KIRREL3: variants seen among roughly 807,000 people sequenced by gnomAD.
KIRREL3 encodes the protein kirre like nephrin family adhesion molecule 3, also known as kin of IRRE-like protein 3.
Under a neutral mutation model 89.7 loss-of-function variants are expected in KIRREL3, and 36 were observed. The observed-to-expected ratio is 0.40, with a 90% CI of 0.31 to 0.53. The LOEUF (loss-of-function observed/expected upper bound fraction) is 0.53. Among genes scored for constraint, KIRREL3 ranks in the 20% least tolerant of loss-of-function variants. KIRREL3 has a pLI of 0.49. For missense variants in KIRREL3, 864 were observed against 1,056.6 expected (o/e 0.82, Z 2.53); for synonymous variants, 445 against 441.4 (o/e 1.01, Z -0.10).
chr11:126,988,214 T>A (rs7941580), intron 1 of KIRREL3, among the ~76,000 whole-genome samples: 2,259 of 152,338 alleles, frequency 0.015, 48 homozygotes, highest in African/African-American at 0.051. Flanking sequence ...TGGGTGATGA[T>A]GAATTCTTTT....
In KIRREL3 at chr11:126,431,388, C is replaced by G; in HGVS notation, c.1696+31G>C. 1 of 1,612,902 alleles carries G rather than the reference C, an allele frequency of 6.2e-7. No individual in the cohort carries two copies. The highest frequency in any genetic ancestry group is 8.5e-7 in the Non-Finnish European group (1 of 1,179,464). On this transcript the variant is annotated intron_variant, in intron 14 of 16. Coordinates refer to ENST00000525144, the MANE Select transcript of KIRREL3 (RefSeq NM_032531.4). The surrounding 1 kb of genome is among the most constrained non-coding windows in gnomAD (Gnocchi z 7.1). ...AAGCCTGGCCTTTTTCTCTGTCCCC[C>G]TCCCTGAGATCCCGGATCTCCCTCC...
intron 1 of KIRREL3, among the ~76,000 whole-genome samples, chr11:126,738,213 G>A (rs982941833): frequency 5.3e-5 from 8 of 152,144 alleles, no homozygotes; most frequent in African/African-American, 1.7e-4. Context: ...TCATTCATAG[G>A]GGAATGAAAT....
rs580550 is a variant in KIRREL3 at position 126,537,949 on chromosome 11, T to A, written c.134-11262A>T. 0.99 allele frequency among the ~76,000 whole-genome samples: 150,621 copies of A among 151,788 alleles called. 74,733 individuals are homozygous for A. The highest frequency in any genetic ancestry group is 1 in the East Asian group (5,161 of 5,166). ...AAATCTGAAGTTGCACCCATTAGAA[T>A]GCTGCATGGGTGGTGCAGGAGACAG... On this transcript the variant is annotated intron_variant, in intron 2 of 16. Transcript: ENST00000525144. This position sits in a 1 kb window ranked among gnomAD's most constrained non-coding sequence, Gnocchi z 4.3.
chr11:126,899,159 G>A (rs1248573601), intron 1 of KIRREL3, among the ~76,000 whole-genome samples: 1 of 151,862 alleles, frequency 6.6e-6, no homozygotes, highest in Non-Finnish European at 1.5e-5. Flanking sequence ...TCTTGTAAAA[G>A]GGAGATTTCC....
intron 11 of KIRREL3, among the ~76,000 whole-genome samples, chr11:126,437,693 G>A (rs1055868833): frequency 7.3e-5 from 11 of 151,696 alleles, no homozygotes; most frequent in African/African-American, 1.5e-4. Flanking sequence ...ACATCTACAC[G>A]CAACACACAG....
intron 6 of KIRREL3, among the ~76,000 whole-genome samples, chr11:126,457,367 A>T (rs867763781): frequency 8.2e-5 from 6 of 73,084 alleles, no homozygotes; most frequent in Non-Finnish European, 1.6e-4. Flanking sequence ...CTCTGTGTGT[A>T]TGCGTGTATG....
At chr11:126,716,733 TGA>T (rs1207858908) in intron 1 of KIRREL3, among the ~76,000 whole-genome samples, 2 of 60,208 alleles carry the variant, frequency 3.3e-5, no homozygotes, top group Non-Finnish European at 5.7e-5. Flanking sequence ...AGTGTGAGTG[TGA>T]GTGTGTGTGT....
rs777794982 is a variant in KIRREL3 at position 126,996,262 on chromosome 11, A to G, written c.55+4193T>C. Among the ~76,000 whole-genome samples, 1 of 152,200 alleles carries G rather than the reference A, an allele frequency of 6.6e-6. No individual in the cohort carries two copies. Among genetic ancestry groups the G allele is most frequent in the Non-Finnish European group, 1.5e-5 (1 of 68,042 alleles). ...TCCTCTAGACAAGACGTCATCCCAC[A>G]TGGGGTTCTGGTAGGAGGGAGAAAC... On this transcript the variant is annotated intron_variant, in intron 1 of 16. Coordinates refer to ENST00000525144, the MANE Select transcript of KIRREL3 (RefSeq NM_032531.4). The surrounding 1 kb of genome is among the most constrained non-coding windows in gnomAD (Gnocchi z 4.7).
intron 1 of KIRREL3, among the ~76,000 whole-genome samples, chr11:126,832,592 C>T (rs1943644810): frequency 6.6e-6 from 1 of 152,142 alleles, no homozygotes; most frequent in African/African-American, 2.4e-5. Flanking sequence ...AGAGCCAGAT[C>T]GCGAGATAAG....
chr11:126,717,261 T>A (rs1050920336), intron 1 of KIRREL3, among the ~76,000 whole-genome samples: 1 of 152,204 alleles, frequency 6.6e-6, no homozygotes, highest in Non-Finnish European at 1.5e-5. Context: ...TTCTATGGTG[T>A]CTTGGATATG....
intron 1 of KIRREL3, among the ~76,000 whole-genome samples, chr11:126,737,951 C>A (rs12282496): frequency 0.19 from 28,459 of 152,082 alleles, 2,785 homozygotes; most frequent in African/African-American, 0.21. Flanking sequence ...GTACTACTGA[C>A]TATTAGATCT....
rs1163353291 is a variant in KIRREL3 at position 126,594,246 on chromosome 11, G to A, written c.56-31334C>T. Among the ~76,000 whole-genome samples the A allele has an allele frequency of 6.6e-6, 1 of 152,124 alleles. No homozygotes were observed. Among genetic ancestry groups the A allele is most frequent in the Admixed American group, 6.5e-5 (1 of 15,288 alleles). ...ATGGAGGAGCTGGTGAAAACTAACA[G>A]TAAGGTGAAGGGTAGGGCTGGGGGC... On this transcript the variant is annotated intron_variant, in intron 1 of 16. Coordinates refer to ENST00000525144, the MANE Select transcript of KIRREL3 (RefSeq NM_032531.4). This position sits in a 1 kb window ranked among gnomAD's most constrained non-coding sequence, Gnocchi z 5.0.
Position 126,424,748 on chromosome 11 carries a change from C to G in KIRREL3, c.2169G>C (p.Leu723=). Residue 723 remains leucine, a synonymous_variant, in exon 17 of 17, where the codon CTG becomes CTC. Coordinates refer to ENST00000525144, the MANE Select transcript of KIRREL3 (RefSeq NM_032531.4). ...TGACGCTGCTGTCACACTGCGTGTC[C>G]AGGAAGGAGCTGCTGTCGCTGAGGG... ...RGSLSDSSSF[L]DTQCDSSVSS... 1 of 1,614,048 alleles carries G rather than the reference C, an allele frequency of 6.2e-7. No homozygotes were observed. Among genetic ancestry groups the G allele is most frequent in the Non-Finnish European group, 8.5e-7 (1 of 1,179,902 alleles).
chr11:126,663,182 CTTTT>C (rs61217908), intron 1 of KIRREL3, among the ~76,000 whole-genome samples: 4 of 90,802 alleles, frequency 4.4e-5, no homozygotes, highest in African/African-American at 8.8e-5. Context: ...TCATGTCTGG[CTTTT>C]TTTTTTTTTT....
intron 1 of KIRREL3, among the ~76,000 whole-genome samples, chr11:126,675,888 CA>C (rs1185848116): frequency 6.6e-6 from 1 of 152,068 alleles, no homozygotes; most frequent in Non-Finnish European, 1.5e-5. Context: ...AGCAGTAATC[CA>C]AGCAGAGAAG....
At position 126,496,891 on chromosome 11, in the gene KIRREL3, G is replaced by A. The variant is rs948629499; in HGVS notation, c.434-23425C>T. Among the ~76,000 whole-genome samples, 7 of 152,132 alleles carry A rather than the reference G, an allele frequency of 4.6e-5. No individual in the cohort carries two copies. Among genetic ancestry groups the A allele is most frequent in the African/African-American group, 7.2e-5 (3 of 41,410 alleles). ...CAGTTCTCCAGTGCCTCAATGTCCC[G>A]GAATTGCTTCTTGGAGGCCAATGAG... On this transcript the variant is annotated intron_variant, in intron 4 of 16. Transcript: ENST00000525144. The surrounding 1 kb of genome is among the most constrained non-coding windows in gnomAD (Gnocchi z 4.9).
chr11:126,768,235 C>A lies in KIRREL3; in HGVS notation c.56-205323G>T, dbSNP rs1158529651. On this transcript the variant is annotated intron_variant, in intron 1 of 16. Coordinates refer to ENST00000525144, the MANE Select transcript of KIRREL3 (RefSeq NM_032531.4). This position sits in a 1 kb window ranked among gnomAD's most constrained non-coding sequence, Gnocchi z 4.5. Reference sequence around the variant, plus strand: ...CATCCATCCATCCATTCAATCTGTCCATCTGTCCATCCATACATGCATCCA... The same window carrying A: ...CATCCATCCATCCATTCAATCTGTCAATCTGTCCATCCATACATGCATCCA... Among the ~76,000 whole-genome samples, 2 of 149,306 alleles carry A rather than the reference C, an allele frequency of 1.3e-5. No individual in the cohort carries two copies. The highest frequency in any genetic ancestry group is 2.0e-4 in the East Asian group (1 of 5,056).
intron 1 of KIRREL3, among the ~76,000 whole-genome samples, chr11:126,923,392 CTTCT>C (rs769344269): frequency 0.36 from 420 of 1,168 alleles, 7 homozygotes; most frequent in South Asian, 0.47. Flanking sequence ...TCTTCTTCCT[CTTCT>C]TTCTTCTTCT....
chr11:126,848,474 C>T (rs372339893), intron 1 of KIRREL3, among the ~76,000 whole-genome samples: 9 of 152,104 alleles, frequency 5.9e-5, no homozygotes, highest in East Asian at 5.8e-4. Flanking sequence ...TTCCTGTAAA[C>T]CAACCAGTAA....
Sources: gnomAD v4.1 joint callset for allele counts (sites outside exome capture counted in the v4.1 genomes callset) on GRCh38, gnomAD v4.1.1 for gene constraint, Gnocchi (gnomAD v3.1) non-coding constraint, MANE v1.5 for transcripts, NCBI Gene and HGNC (gene_info 2026-07-23, HGNC 2026-07-21) for gene names.